ZPBP: variants seen among roughly 807,000 people sequenced by gnomAD.
ZPBP encodes zona pellucida-binding protein 1.
In ZPBP, 26 loss-of-function variants were observed where a neutral mutation model predicts 44.8. The observed-to-expected ratio is 0.58, with a 90% CI of 0.43 to 0.81. The LOEUF is 0.81. Ranked by LOEUF, ZPBP falls within the 30% of genes least tolerant of loss-of-function variation. The pLI is 0.00. For synonymous variants in ZPBP, 174 were observed against 153.2 expected, an observed-to-expected ratio of 1.14 and a Z score of -1.00; for missense variants, 409 against 434.0, an observed-to-expected ratio of 0.94 and a Z score of 0.51.
chr7:50,041,267 A>G (rs1207159061), intron 4 of ZPBP, among the ~76,000 whole-genome samples: 1 of 152,182 alleles, frequency 6.6e-6, no homozygotes, highest in Non-Finnish European at 1.5e-5. Context: ...TGCCAGCTCT[A>G]AAGACAGCAG....
chr7:50,020,357 A>G (rs1799030559), intron 5 of ZPBP, among the ~76,000 whole-genome samples: 1 of 152,152 alleles, frequency 6.6e-6, no homozygotes, highest in Admixed American at 6.6e-5. Flanking sequence ...ACAAAATAGA[A>G]TCAAAAGAAA....
At chr7:49,843,215 G>C in the ZPBP span, among the ~76,000 whole-genome samples, 1 of 152,078 alleles carries the variant, frequency 6.6e-6, no homozygotes, top group East Asian at 1.9e-4. Flanking sequence ...TGGAAAATAT[G>C]GGAATTCCAA....
chr7:49,952,713 C>T (rs185317334), intron 7 of ZPBP, among the ~76,000 whole-genome samples: 148 of 151,822 alleles, frequency 9.7e-4, no homozygotes, highest in Non-Finnish European at 1.6e-3. Flanking sequence ...AACTATCTTT[C>T]GAAACTAAGG....
chr7:49,979,776 G>T (rs1796694567), intron 7 of ZPBP, among the ~76,000 whole-genome samples: 1 of 138,274 alleles, frequency 7.2e-6, no homozygotes. Context: ...TTTATTTTTT[G>T]GGTATTTCTA....
intron 2 of ZPBP, among the ~76,000 whole-genome samples, chr7:49,875,769 CCA>C (rs1367249366): frequency 3.9e-5 from 6 of 152,076 alleles, no homozygotes; most frequent in African/African-American, 1.4e-4. Context: ...TAAAACAATG[CCA>C]TAGTAGTGCA....
chr7:50,067,693 C>T (rs1487810370), intron 3 of ZPBP, among the ~76,000 whole-genome samples: 6 of 152,178 alleles, frequency 3.9e-5, no homozygotes, highest in Non-Finnish European at 5.9e-5. Context: ...GTCACTGACT[C>T]GATGAGGAGC....
chr7:49,846,145 A>G (rs115971606), downstream of ZPBP, among the ~76,000 whole-genome samples: 79 of 152,338 alleles, frequency 5.2e-4, no homozygotes, highest in African/African-American at 1.9e-3. Context: ...AAGCAAGTCA[A>G]TAGAGCCAAC....
chr7:50,051,708 A>C (rs965155132), intron 4 of ZPBP, among the ~76,000 whole-genome samples: 8 of 152,158 alleles, frequency 5.3e-5, no homozygotes, highest in Admixed American at 1.3e-4. Flanking sequence ...CTAATGCAGG[A>C]ACAGAAAACC....
At chr7:49,856,708 T>G (rs1251272620) in intron 2 of ZPBP, among the ~76,000 whole-genome samples, 1 of 152,126 alleles carries the variant, frequency 6.6e-6, no homozygotes, top group East Asian at 1.9e-4. Flanking sequence ...CTGATGTCCT[T>G]TTGGTTTTGT....
intron 7 of ZPBP, among the ~76,000 whole-genome samples, chr7:49,961,307 C>T (rs1392964546): frequency 1.3e-5 from 2 of 152,124 alleles, no homozygotes; most frequent in Admixed American, 6.6e-5. Context: ...ACAATTAATA[C>T]ATTCAACAAA....
At position 50,065,535 on chromosome 7, in the gene ZPBP, T is replaced by C. The variant is rs138781083; in HGVS notation, c.335-7394A>G. 3.6e-4 allele frequency among the ~76,000 whole-genome samples: 54 copies of C among 151,118 alleles called. No individual in the cohort carries two copies. In the East Asian group the frequency reaches 0.01, roughly 29 times the overall value. ...CAGGCGATACAGTACTTTTCAATTATGGAGGTTTTTAACAACTAAACACTG... is the reference window on the plus strand; with the variant it reads ...CAGGCGATACAGTACTTTTCAATTACGGAGGTTTTTAACAACTAAACACTG... On this transcript the variant is annotated intron_variant, in intron 3 of 7. Coordinates refer to ENST00000046087, the MANE Select transcript of ZPBP (RefSeq NM_007009.3).
chr7:49,987,318 T>C (rs1255881828), intron 6 of ZPBP, among the ~76,000 whole-genome samples: 1 of 152,232 alleles, frequency 6.6e-6, no homozygotes, highest in Admixed American at 6.5e-5. Context: ...CTTCCTAAAC[T>C]TTATTTTCCT....
chr7:49,968,123 G>A (rs1297030528), intron 7 of ZPBP, among the ~76,000 whole-genome samples: 1 of 151,914 alleles, frequency 6.6e-6, no homozygotes, highest in Non-Finnish European at 1.5e-5. Flanking sequence ...ATCACCAAAT[G>A]TTCAGAATTA....
rs1008782088 is a variant in ZPBP, at chr7:49,876,673, A to C, written n.509+24445T>G. Among the ~76,000 whole-genome samples, 4 of 152,148 alleles carry C rather than the reference A, an allele frequency of 2.6e-5. 1 individual carries two copies. The South Asian group carries it at 8.3e-4, about 32-fold the overall frequency. On this transcript the variant is annotated intron_variant and non_coding_transcript_variant, in intron 2 of 2. Transcript: ENST00000465922. The stretch of plus-strand genomic sequence containing the variant: ...TGTTTTTTAGAAGACTTGACATTTT[A>C]CCCTATTTTAAGATCCCCCTTCCTC...
intron 4 of ZPBP, among the ~76,000 whole-genome samples, chr7:50,054,071 A>T (rs1334738477): frequency 6.6e-6 from 1 of 151,978 alleles, no homozygotes; most frequent in Non-Finnish European, 1.5e-5. Flanking sequence ...TTGTATTTTT[A>T]GTAGAGACGG....
At chr7:49,980,275 AAT>A (rs1229924645) in intron 7 of ZPBP, among the ~76,000 whole-genome samples, 4 of 92,988 alleles carry the variant, frequency 4.3e-5, no homozygotes, top group East Asian at 3.1e-4. Context: ...ATAAATATAT[AAT>A]ATATATAATA....
At chr7:49,969,143 T>G (rs1796179889) in intron 7 of ZPBP, among the ~76,000 whole-genome samples, 1 of 149,790 alleles carries the variant, frequency 6.7e-6, no homozygotes, top group Admixed American at 6.7e-5. Flanking sequence ...ATTTATATAT[T>G]TAGTATTTAT....
chr7:50,039,089 C>A (rs947018260), intron 4 of ZPBP, among the ~76,000 whole-genome samples: 1 of 152,086 alleles, frequency 6.6e-6, no homozygotes, highest in Non-Finnish European at 1.5e-5. Flanking sequence ...AGGGAAGCAA[C>A]AGCTGTGACA....
chr7:50,078,178 A>T (rs751629768), intron 3 of ZPBP, among the ~76,000 whole-genome samples: 1 of 151,720 alleles, frequency 6.6e-6, no homozygotes, highest in Non-Finnish European at 1.5e-5. Context: ...TGTCTGTAGG[A>T]TCTAAAAATC....
Sources: gnomAD v4.1 joint callset for allele counts (sites outside exome capture counted in the v4.1 genomes callset) on GRCh38, gnomAD v4.1.1 for gene constraint, MANE v1.5 for transcripts, NCBI Gene and HGNC (gene_info 2026-07-23, HGNC 2026-07-21) for gene names.